Variants in ZNF226 observed in about 807,000 individuals in gnomAD.
The protein encoded by ZNF226 is Kruppel-associated box protein.
ZNF226 carries 6 observed loss-of-function variants against 11.4 expected under a neutral mutation model. The ratio of observed to expected loss-of-function variants is 0.53; its 90% CI spans 0.29 to 1.04. The LOEUF is 1.04. Among genes scored for constraint, ZNF226 ranks in the 50% least tolerant of loss-of-function variants. The probability of loss-of-function intolerance (pLI) is 0.08; values close to 1 mark genes in which losing one functional copy is unlikely to be tolerated. For synonymous variants in ZNF226, 350 were observed against 322.8 expected, an observed-to-expected ratio of 1.08 and a Z score of -0.90; for missense variants, 1,058 against 956.5, an observed-to-expected ratio of 1.11 and a Z score of -1.40.
chr19:44,196,266 T>C, the ZNF226 span, among the ~76,000 whole-genome samples: 1 of 152,240 alleles, frequency 6.6e-6, no homozygotes, highest in African/African-American at 2.4e-5. Context: ...GTGATCAAGA[T>C]GGTACATTCT....
downstream of ZNF226, chr19:44,177,776 A>G: frequency 1.5e-6 from 2 of 1,297,166 alleles, no homozygotes; most frequent in African/African-American, 1.5e-5. Flanking sequence ...CAAAGACAAC[A>G]AAACAATCTT....
chr19:44,171,455 A>G (rs1249500317), intron 3 of ZNF226, among the ~76,000 whole-genome samples: 1 of 152,116 alleles, frequency 6.6e-6, no homozygotes, highest in Non-Finnish European at 1.5e-5. Flanking sequence ...TGTGACCTTA[A>G]TTTAAAATGC....
chr19:44,182,043 A>G (rs555822568), downstream of ZNF226, among the ~76,000 whole-genome samples: 1 of 152,320 alleles, frequency 6.6e-6, no homozygotes, highest in African/African-American at 2.4e-5. Context: ...ATGATGGATT[A>G]GGCTGGATTT....
intron 4 of ZNF226, 86 bp from the exon 5 acceptor site, chr19:44,172,774 C>G: frequency 9.3e-7 from 1 of 1,079,520 alleles, no homozygotes; most frequent in Non-Finnish European, 1.3e-6. Flanking sequence ...CTTTCAGTGT[C>G]TTGAATGTGC....
intron 2 of ZNF226, 101 bp from the exon 3 acceptor site, chr19:44,169,934 C>A: frequency 1.6e-6 from 1 of 642,844 alleles, no homozygotes; most frequent in Non-Finnish European, 2.5e-6. Flanking sequence ...AAAGCTGCAG[C>A]CACCCCAAGA....
chr19:44,179,121 A>G (rs1333394497), downstream of ZNF226, among the ~76,000 whole-genome samples: 1 of 152,166 alleles, frequency 6.6e-6, no homozygotes, highest in African/African-American at 2.4e-5. Context: ...CGGAAGTTGC[A>G]GTGAGTCAAG....
intron 3 of ZNF226, 84 bp downstream of exon 3, chr19:44,170,179 G>T: frequency 7.0e-7 from 1 of 1,436,748 alleles, no homozygotes; most frequent in African/African-American, 1.4e-5. Context: ...TTTCAAGTAA[G>T]AGTCAAGGCA....
rs769103178 is a variant in ZNF226, at chr19:44,172,212, T to C, written c.140T>C (p.Val47Ala). The change falls in exon 4 of 6, where the codon GTG becomes GCG. Residue 47 changes from valine (V) to alanine (A), a missense_variant and splice_region_variant. Transcript: ENST00000337433. ...MVENFRNLLS[V>A]GHPPFKQDVS... The stretch of plus-strand genomic sequence containing the variant: ...GAGAACTTTAGGAACCTGCTGTCAG[T>C]GGGTGAGGACAGCCTCCCTCTGGAA... The C allele has an allele frequency of 1.1e-4, 172 of 1,610,804 alleles. No homozygotes were observed. The highest frequency in any genetic ancestry group is 1.4e-4 in the Non-Finnish European group (168 of 1,177,992).
chr19:44,173,043 C>A, intron 5 of ZNF226, 91 bp downstream of exon 5: 1 of 1,213,062 alleles, frequency 8.2e-7, no homozygotes. Flanking sequence ...GTCCAAATTG[C>A]CAACTGTCTT....
At chr19:44,168,494 T>C (rs532543415) in intron 2 of ZNF226, among the ~76,000 whole-genome samples, 1 of 152,384 alleles carries the variant, frequency 6.6e-6, no homozygotes, top group East Asian at 1.9e-4. Context: ...CACTTAGTTT[T>C]GGTTTCATTA....
chr19:44,190,067 G>T, the ZNF226 span, among the ~76,000 whole-genome samples: 2 of 152,094 alleles, frequency 1.3e-5, no homozygotes, highest in Non-Finnish European at 2.9e-5. Flanking sequence ...CAAAGACAAT[G>T]CACAGAACTA....
At chr19:44,172,820 A>G (rs1297860842) in intron 4 of ZNF226, 40 bp from the exon 5 acceptor site, 1 of 1,516,728 alleles carries the variant, frequency 6.6e-7, no homozygotes, top group Non-Finnish European at 9.0e-7. Flanking sequence ...TTTTAACTCT[A>G]ATATGTTCAT....
downstream of ZNF226, among the ~76,000 whole-genome samples, chr19:44,181,924 A>G (rs1224413717): frequency 6.6e-6 from 1 of 152,250 alleles, no homozygotes; most frequent in Admixed American, 6.5e-5. Context: ...TACGACCATG[A>G]GGAGATACAT....
At chr19:44,185,940 A>G in the ZNF226 span, among the ~76,000 whole-genome samples, 1 of 152,062 alleles carries the variant, frequency 6.6e-6, no homozygotes. Flanking sequence ...TTTGTATACA[A>G]TGTAAGGTAA....
rs560747743 is a variant in ZNF226, at chr19:44,165,106, C to G, written c.-134C>G. 1 of 152,334 alleles carries G rather than the reference C, an allele frequency of 6.6e-6. No homozygotes were observed. The highest frequency in any genetic ancestry group is 1.9e-4 in the East Asian group (1 of 5,180). 9.4% of individuals were successfully genotyped at this position (152,334 alleles called of 1,614,324 possible). On this transcript the variant is annotated 5_prime_UTR_variant, in exon 1 of 6. Coordinates refer to ENST00000337433, the MANE Select transcript of ZNF226 (RefSeq NM_001032373.2). ...CAGGCACTTCCGCCCAGGAAGACGACGTAGCAGCCATCTTTTCCCTGGCTT... is the reference window on the plus strand; with the variant it reads ...CAGGCACTTCCGCCCAGGAAGACGAGGTAGCAGCCATCTTTTCCCTGGCTT...
chr19:44,173,078 G>T (rs1440258560), intron 5 of ZNF226, 126 bp downstream of exon 5: 8 of 870,838 alleles, frequency 9.2e-6, no homozygotes, highest in Non-Finnish European at 1.1e-5. Context: ...AACACCCTTT[G>T]TACTGCTTGC....
chr19:44,184,409 G>C, the ZNF226 span, among the ~76,000 whole-genome samples: 2 of 151,902 alleles, frequency 1.3e-5, no homozygotes, highest in Admixed American at 1.3e-4. Context: ...GTGAAACCCT[G>C]TCTCTACTAA....
Position 44,175,535 on chromosome 19 carries a change from CAG to C in ZNF226, c.277_278del (p.Glu93IlefsTer17). The C allele has an allele frequency of 3.1e-6, 5 of 1,610,050 alleles. No individual in the cohort carries two copies. The highest frequency in any genetic ancestry group is 1.7e-5 in the Admixed American group (1 of 59,408). On this transcript the variant is annotated frameshift_variant, in exon 6 of 6. Coordinates refer to ENST00000337433, the MANE Select transcript of ZNF226 (RefSeq NM_001032373.2). LOFTEE classifies it low-confidence loss of function (END_TRUNC). ...AAAGTAAGTTAATTACTGTTCAAGA[CAG>C]AGAATCAGAAGAAGAGCTTTCTTGT... ...NQSKLITVQD[R>X]ESEEELSCWQ...
rs1165156142 is a variant in ZNF226, at chr19:44,168,883, T to A, written c.-46-1152T>A. Among the ~76,000 whole-genome samples the A allele has an allele frequency of 3.3e-5, 5 of 152,278 alleles. No individual in the cohort carries two copies. In the East Asian group the frequency reaches 9.6e-4, roughly 29 times the overall value. Reference sequence around the variant, plus strand: ...CTATTGATGATGTTCTAGTTATCTTTCATTCTACCTTTATTAGTTTATGTG... The same window carrying A: ...CTATTGATGATGTTCTAGTTATCTTACATTCTACCTTTATTAGTTTATGTG... On this transcript the variant is annotated intron_variant, in intron 2 of 5. Coordinates refer to ENST00000337433, the MANE Select transcript of ZNF226 (RefSeq NM_001032373.2).
Sources: gnomAD v4.1 joint callset for allele counts (sites outside exome capture counted in the v4.1 genomes callset) on GRCh38, gnomAD v4.1.1 for gene constraint, MANE v1.5 for transcripts, NCBI Gene and HGNC (gene_info 2026-07-23, HGNC 2026-07-21) for gene names.